The following LMOD3 variants were observed in gnomAD, a reference collection of about 807,000 sequenced individuals.
LMOD3 encodes the protein leiomodin-3.
A neutral mutation model predicts 41.8 loss-of-function variants in LMOD3; 31 were observed. That is an observed-to-expected ratio of 0.74 (90% confidence interval 0.56 to 1.00). The LOEUF (loss-of-function observed/expected upper bound fraction) is 1.00. LMOD3 is among the 50% of genes least tolerant of loss of function. LMOD3 has a pLI of 0.00. For synonymous variants in LMOD3, 292 were observed against 241.9 expected, an observed-to-expected ratio of 1.21 and a Z score of -1.92; for missense variants, 755 against 679.5, an observed-to-expected ratio of 1.11 and a Z score of -1.23.
chr3:69,118,549 T>C lies in LMOD3; in HGVS notation c.1656+150A>G, dbSNP rs879102877. 16 of 828,938 alleles carry C rather than the reference T, an allele frequency of 1.9e-5. No individual in the cohort carries two copies. The South Asian group carries it at 3.0e-4, about 16-fold the overall frequency. 51.3% of individuals were successfully genotyped at this position (828,938 alleles called of 1,614,324 possible). ...AGGTGTACATCCTTAGGGATAGCAG[T>C]AATTTAGTTCTATTGGTAATGCTCA... On this transcript the variant is annotated intron_variant, in intron 2 of 2. Coordinates refer to ENST00000420581, the MANE Select transcript of LMOD3 (RefSeq NM_198271.5).
Position 69,122,563 on chromosome 3 carries a change from T to C in LMOD3, c.-177A>G. The C allele has an allele frequency of 3.5e-6, 2 of 574,562 alleles. No homozygotes were observed. The highest frequency in any genetic ancestry group is 6.1e-6 in the Non-Finnish European group (2 of 327,656). 35.6% of individuals were successfully genotyped at this position (574,562 alleles called of 1,614,324 possible). ...CAGTGGTTTGCTGAGCAGCTAGGAG[T>C]GATCACAGCTAAGCTCTTGCCGGAT... is the stretch of plus-strand genomic sequence containing the variant. On this transcript the variant is annotated 5_prime_UTR_variant, in exon 1 of 3. Coordinates refer to ENST00000420581, the MANE Select transcript of LMOD3 (RefSeq NM_198271.5).
At chr3:69,113,038 G>C (rs970455967) in intron 2 of LMOD3, among the ~76,000 whole-genome samples, 2 of 152,122 alleles carry the variant, frequency 1.3e-5, no homozygotes, top group Non-Finnish European at 2.9e-5. Context: ...CATTAGAATT[G>C]TAACATTTCC....
intron 2 of LMOD3, among the ~76,000 whole-genome samples, chr3:69,117,078 AG>A (rs771391183): frequency 3.3e-5 from 5 of 152,198 alleles, no homozygotes; most frequent in Non-Finnish European, 7.3e-5. Flanking sequence ...ATTCATTCCT[AG>A]GGGAGTTCTG....
At chr3:69,111,538 T>C (rs1201326681) in intron 2 of LMOD3, among the ~76,000 whole-genome samples, 1 of 152,264 alleles carries the variant, frequency 6.6e-6, no homozygotes, top group South Asian at 2.1e-4. Flanking sequence ...TGTTTATATA[T>C]GCATGGAAGA....
rs369854516 is a variant in LMOD3 at position 69,118,714 on chromosome 3, G to A, written c.1641C>T (p.Val547=). ...TTCTACTTACAGGTTTAAGATAGGC[G>A]ACACTGCTGTGACGAATGTCGTTTA... ...QLLNDIRHSS[V]AYLKPVQLPK... is the part of the protein sequence containing the mutation. Residue 547 remains valine, a synonymous_variant, in exon 2 of 3, where the codon GTC becomes GTT. Transcript: ENST00000420581. 1 of 1,612,200 alleles carries A rather than the reference G, an allele frequency of 6.2e-7. No individual in the cohort carries two copies.
chr3:69,120,187 T>G (rs2092400782), intron 1 of LMOD3, 127 bp from the exon 2 acceptor site: 3 of 1,068,850 alleles, frequency 2.8e-6, no homozygotes, highest in Non-Finnish European at 3.7e-6. Flanking sequence ...TAATCCTTAT[T>G]TAAATAGCTG....
chr3:69,115,411 G>A (rs2092367169), intron 2 of LMOD3, among the ~76,000 whole-genome samples: 1 of 151,900 alleles, frequency 6.6e-6, no homozygotes, highest in South Asian at 2.1e-4. Context: ...GAGCCCTGGA[G>A]GTTGAGGCTG....
Position 69,120,075 on chromosome 3 carries a change from TA to T in LMOD3, c.295-16del. Reference sequence around the variant, plus strand: ...TGAGTCTTTTCCTACAAGAGAGGTTTATGAGGGTTAGAATACATAGCAGAGA... The same window carrying T: ...TGAGTCTTTTCCTACAAGAGAGGTTTTGAGGGTTAGAATACATAGCAGAGA... On this transcript the variant is annotated splice_polypyrimidine_tract_variant and intron_variant, in intron 1 of 2. Coordinates refer to ENST00000420581, the MANE Select transcript of LMOD3 (RefSeq NM_198271.5). The T allele has an allele frequency of 6.3e-7, 1 of 1,581,788 alleles. No homozygotes were observed. Among genetic ancestry groups the T allele is most frequent in the South Asian group, 1.2e-5 (1 of 84,700 alleles).
intron 2 of LMOD3, among the ~76,000 whole-genome samples, chr3:69,114,722 G>T (rs921044970): frequency 1.3e-5 from 2 of 152,244 alleles, no homozygotes; most frequent in East Asian, 1.9e-4. Flanking sequence ...GGCCAGGTTG[G>T]TCTCAAACTC....
Position 69,119,314 on chromosome 3 carries a change from A to T in LMOD3, c.1041T>A (p.Asn347Lys). The change falls in exon 2 of 3, where the codon AAT becomes AAA. Residue 347 changes from asparagine to lysine, a missense_variant. Coordinates refer to ENST00000420581, the MANE Select transcript of LMOD3 (RefSeq NM_198271.5). Reference protein sequence around the residue: ...NETLTELRFHNQRHMLGHHAE... With the variant: ...NETLTELRFHKQRHMLGHHAE... ...CATGGTGACCCAACATGTGCCTCTG[A>T]TTGTGAAACCGAAGCTCAGTTAGCG... The T allele has an allele frequency of 6.2e-7, 1 of 1,613,930 alleles. No individual in the cohort carries two copies. The highest frequency in any genetic ancestry group is 1.1e-5 in the South Asian group (1 of 91,076).
At chr3:69,110,681 A>G (rs1197901770) in intron 2 of LMOD3, among the ~76,000 whole-genome samples, 1 of 147,310 alleles carries the variant, frequency 6.8e-6, no homozygotes, top group African/African-American at 2.5e-5. Context: ...TGTCTTTACT[A>G]AAAATACAAA....
At chr3:69,112,496 A>C (rs1284911927) in intron 2 of LMOD3, among the ~76,000 whole-genome samples, 2 of 152,234 alleles carry the variant, frequency 1.3e-5, no homozygotes, top group Non-Finnish European at 2.9e-5. Flanking sequence ...AGGTGTGGAC[A>C]AAAAAGGTAA....
intron 2 of LMOD3, among the ~76,000 whole-genome samples, chr3:69,110,670 C>G (rs1171041818): frequency 4.8e-5 from 7 of 146,910 alleles, no homozygotes; most frequent in Non-Finnish European, 1.1e-4. Flanking sequence ...GGGTGAAACC[C>G]TGTCTTTACT....
chr3:69,121,977 G>A (rs2092409572), intron 1 of LMOD3, 116 bp downstream of exon 1: 1 of 776,962 alleles, frequency 1.3e-6, no homozygotes, highest in East Asian at 2.7e-5. Context: ...ATCTAGATAT[G>A]GCAAAAACAA....
In LMOD3 at chr3:69,122,169, T is replaced by C; in HGVS notation, c.218A>G (p.Asp73Gly). 1.2e-6 allele frequency: 2 copies of C among 1,613,138 alleles called. No individual in the cohort carries two copies. The highest frequency in any genetic ancestry group is 1.7e-6 in the Non-Finnish European group (2 of 1,179,556). ...TGNFNHKSLV[D>G]YMYWEKASRR... is the part of the protein sequence containing the mutation. ...GGATGCCTTTTCCCAATACATATAATCAACAAGAGATTTATGATTGAAGTT... is the reference window on the plus strand; with the variant it reads ...GGATGCCTTTTCCCAATACATATAACCAACAAGAGATTTATGATTGAAGTT... The change falls in exon 1 of 3, where the codon GAT becomes GGT. Residue 73 changes from aspartate (D) to glycine (G), a missense_variant. By Grantham distance (94) the Asp-to-Gly change is moderately conservative (BLOSUM62 -1). Transcript: ENST00000420581.
Position 69,119,914 on chromosome 3 carries a change from A to T in LMOD3, c.441T>A (p.Asp147Glu). ...CATCATCATCATCTTCTTCTTCTTC[A>T]TCTTCTTCATCTGTTTCTTGGATAT... ...SSNIQETDEE[D>E]EEEEDDDDDD... The change falls in exon 2 of 3, where the codon GAT becomes GAA. Residue 147 changes from aspartate (D) to glutamate (E), a missense_variant. Physicochemically the swap from Asp to Glu is conservative, Grantham distance 45 (BLOSUM62 2). Coordinates refer to ENST00000420581, the MANE Select transcript of LMOD3 (RefSeq NM_198271.5). 6.5e-7 allele frequency: 1 copy of T among 1,549,876 alleles called. No individual in the cohort carries two copies. Among genetic ancestry groups the T allele is most frequent in the Non-Finnish European group, 8.7e-7 (1 of 1,143,156 alleles).
intron 2 of LMOD3, among the ~76,000 whole-genome samples, chr3:69,114,363 C>G (rs2092362090): frequency 6.6e-6 from 1 of 152,198 alleles, no homozygotes; most frequent in Non-Finnish European, 1.5e-5. Context: ...ACGGAGTAAA[C>G]TTCTTTTAAA....
intron 1 of LMOD3, among the ~76,000 whole-genome samples, chr3:69,120,266 T>C (rs2092401118): frequency 6.6e-6 from 1 of 152,122 alleles, no homozygotes; most frequent in East Asian, 1.9e-4. Flanking sequence ...CCTTATTAAT[T>C]TTAATATTCT....
chr3:69,119,315 T>C lies in LMOD3; in HGVS notation c.1040A>G (p.Asn347Ser), dbSNP rs2092394279. 1.2e-6 allele frequency: 2 copies of C among 1,613,986 alleles called. No homozygotes were observed. The highest frequency in any genetic ancestry group is 1.7e-6 in the Non-Finnish European group (2 of 1,179,890). The change falls in exon 2 of 3, where the codon AAT becomes AGT. Residue 347 changes from asparagine (N) to serine (S), a missense_variant. Coordinates refer to ENST00000420581, the MANE Select transcript of LMOD3 (RefSeq NM_198271.5). The part of the protein sequence containing the change: ...NETLTELRFH[N>S]QRHMLGHHAE... ...ATGGTGACCCAACATGTGCCTCTGA[T>C]TGTGAAACCGAAGCTCAGTTAGCGT... is the stretch of plus-strand genomic sequence containing the variant.
Sources: allele counts gnomAD v4.1 joint callset (sites outside exome capture counted in the v4.1 genomes callset), GRCh38; gene constraint gnomAD v4.1.1; transcripts MANE v1.5; gene names NCBI Gene and HGNC (gene_info 2026-07-23, HGNC 2026-07-21).